Variants in RAB38 observed in about 807,000 individuals in gnomAD.
RAB38 encodes the protein RAB38, member RAS oncogene family.
Under a neutral mutation model 18.4 loss-of-function variants are expected in RAB38, and 15 were observed. The ratio of observed to expected loss-of-function variants is 0.82; its 90% CI spans 0.55 to 1.26. The LOEUF (loss-of-function observed/expected upper bound fraction) is 1.26. RAB38 is among the 50% of genes most tolerant of loss of function. RAB38 has a pLI of 0.00. For missense variants in RAB38, 294 were observed against 267.4 expected, an observed-to-expected ratio of 1.10 and a Z score of -0.69; for synonymous variants, 101 against 104.4, an observed-to-expected ratio of 0.97 and a Z score of 0.20.
chr11:88,105,295 T>G, the RAB38 span, among the ~76,000 whole-genome samples: 1 of 152,158 alleles, frequency 6.6e-6, no homozygotes, highest in Non-Finnish European at 1.5e-5. Flanking sequence ...ACTGTTTCAC[T>G]TGGATTAGCA....
chr11:88,022,003 G>A, the RAB38 span, among the ~76,000 whole-genome samples: 1 of 151,756 alleles, frequency 6.6e-6, no homozygotes, highest in African/African-American at 2.4e-5. Context: ...ATTCTATAAA[G>A]CCAGTATTAA....
At chr11:88,156,792 G>T (rs537058997) in intron 1 of RAB38, among the ~76,000 whole-genome samples, 5 of 152,242 alleles carry the variant, frequency 3.3e-5, no homozygotes, top group African/African-American at 9.6e-5. Context: ...AGTCCTAAGG[G>T]AATCTGTTAC....
the RAB38 span, among the ~76,000 whole-genome samples, chr11:88,004,533 T>G: frequency 6.6e-6 from 1 of 151,228 alleles, no homozygotes; most frequent in Non-Finnish European, 1.5e-5. Flanking sequence ...TATATCACTC[T>G]TAATGGTGAA....
chr11:88,160,149 T>C (rs1254503259), intron 1 of RAB38, among the ~76,000 whole-genome samples: 4 of 151,450 alleles, frequency 2.6e-5, no homozygotes, highest in Non-Finnish European at 5.9e-5. Context: ...ACAACCCCAC[T>C]AAAAAAATGG....
the RAB38 span, among the ~76,000 whole-genome samples, chr11:88,085,638 T>G: frequency 6.6e-6 from 1 of 151,880 alleles, no homozygotes; most frequent in Non-Finnish European, 1.5e-5. Flanking sequence ...ATTACTTGTT[T>G]AAAAAAAGAA....
At chr11:88,156,098 A>G (rs1353755131) in intron 1 of RAB38, among the ~76,000 whole-genome samples, 1 of 152,186 alleles carries the variant, frequency 6.6e-6, no homozygotes, top group Non-Finnish European at 1.5e-5. Context: ...CCTGGAATAC[A>G]TATTTGGGGG....
chr11:87,859,056 A>G, the RAB38 span, among the ~76,000 whole-genome samples: 2 of 152,096 alleles, frequency 1.3e-5, no homozygotes, highest in African/African-American at 4.8e-5. Context: ...GAATTACTGG[A>G]AAAGAATAGA....
At chr11:88,158,289 G>A (rs1580477) in intron 1 of RAB38, among the ~76,000 whole-genome samples, 37,851 of 151,796 alleles carry the variant, frequency 0.25, 4,756 homozygotes, top group Admixed American at 0.27. Context: ...GAGTAATAAA[G>A]AAACCTACCA....
Position 88,147,524 on chromosome 11 carries a change from C to T in RAB38, c.483+2151G>A, listed in dbSNP as rs183701328. On this transcript the variant is annotated intron_variant, in intron 2 of 2. Coordinates refer to ENST00000243662, the MANE Select transcript of RAB38 (RefSeq NM_022337.3). Reference sequence around the variant, plus strand: ...AACTTTGGAGTGAAATTGAGTGTGGCGCTAAAAGGAAATGAAAATAAGTGA... The same window carrying T: ...AACTTTGGAGTGAAATTGAGTGTGGTGCTAAAAGGAAATGAAAATAAGTGA... 4.2e-3 allele frequency among the ~76,000 whole-genome samples: 620 copies of T among 147,560 alleles called. 2 individuals are homozygous for T. The highest frequency in any genetic ancestry group is 6.4e-3 in the Non-Finnish European group (433 of 67,442).
chr11:87,968,469 T>A, the RAB38 span, among the ~76,000 whole-genome samples: 3 of 152,160 alleles, frequency 2.0e-5, no homozygotes. Context: ...CTTCTGGGGC[T>A]CTTAGAAGGA....
At chr11:87,805,619 A>G in the RAB38 span, among the ~76,000 whole-genome samples, 9 of 136,860 alleles carry the variant, frequency 6.6e-5, no homozygotes, top group South Asian at 2.2e-4. Context: ...ACACACACAC[A>G]CACGCACACA....
At chr11:88,130,026 G>C (rs974283522) in intron 2 of RAB38, among the ~76,000 whole-genome samples, 1 of 152,066 alleles carries the variant, frequency 6.6e-6, no homozygotes, top group Non-Finnish European at 1.5e-5. Flanking sequence ...AAATAGGAAG[G>C]GAGCAGCACA....
At chr11:88,150,317 T>A (rs1559890) in intron 1 of RAB38, among the ~76,000 whole-genome samples, 37,135 of 152,080 alleles carry the variant, frequency 0.24, 4,635 homozygotes, top group Non-Finnish European at 0.28. Context: ...ACATTTCAAG[T>A]GTTCAGTAAC....
At chr11:88,050,711 C>T in the RAB38 span, among the ~76,000 whole-genome samples, 1 of 152,206 alleles carries the variant, frequency 6.6e-6, no homozygotes. Flanking sequence ...GAATATTCTT[C>T]TCTGATTCTT....
intron 2 of RAB38, among the ~76,000 whole-genome samples, chr11:88,125,259 T>G (rs940271346): frequency 2.0e-5 from 3 of 152,198 alleles, no homozygotes; most frequent in African/African-American, 7.2e-5. Flanking sequence ...CCAATATGGC[T>G]ACAACTGAAC....
chr11:87,878,766 T>A, the RAB38 span, among the ~76,000 whole-genome samples: 1 of 151,690 alleles, frequency 6.6e-6, no homozygotes, highest in East Asian at 2.0e-4. Flanking sequence ...AGCAATGTGC[T>A]CACCAGGTGA....
At chr11:88,129,796 G>T (rs1336042711) in intron 2 of RAB38, among the ~76,000 whole-genome samples, 1 of 151,990 alleles carries the variant, frequency 6.6e-6, no homozygotes, top group Non-Finnish European at 1.5e-5. Context: ...GAATGAAACA[G>T]AACAAAAATG....
the RAB38 span, among the ~76,000 whole-genome samples, chr11:87,876,149 C>G: frequency 6.6e-5 from 10 of 151,702 alleles, no homozygotes; most frequent in South Asian, 2.1e-3. Flanking sequence ...GAATTCGAAA[C>G]TGTCGTGAAA....
At chr11:88,089,476 G>T in the RAB38 span, among the ~76,000 whole-genome samples, 1 of 151,844 alleles carries the variant, frequency 6.6e-6, no homozygotes. Context: ...AGGGAGTCTG[G>T]GTCTGCATTA....
Sources: allele counts gnomAD v4.1 joint callset (sites outside exome capture counted in the v4.1 genomes callset), GRCh38; gene constraint gnomAD v4.1.1; transcripts MANE v1.5; gene names NCBI Gene and HGNC (gene_info 2026-07-23, HGNC 2026-07-21).